The following ACER2 variants were observed in gnomAD, a reference collection of about 807,000 sequenced individuals.
ACER2 encodes the protein alkaline ceramidase 2, also known as alkCDase 2.
ACER2 carries 26 observed loss-of-function variants against 34.7 expected under a neutral mutation model. The observed-to-expected ratio is 0.75, with a 90% CI of 0.55 to 1.04. The LOEUF (loss-of-function observed/expected upper bound fraction) is 1.04. Among genes scored for constraint, ACER2 ranks in the 50% least tolerant of loss-of-function variants. The pLI is 0.00. For synonymous variants in ACER2, 138 were observed against 132.1 expected (o/e 1.04, Z -0.31); for missense variants, 352 against 340.8 (o/e 1.03, Z -0.26).
chr9:19,421,981 T>C (rs1830420167), intron 1 of ACER2, among the ~76,000 whole-genome samples: 1 of 152,108 alleles, frequency 6.6e-6, no homozygotes, highest in Non-Finnish European at 1.5e-5. Context: ...GGCTTTGGTA[T>C]GAACAAAATA....
At chr9:19,411,586 G>A (rs922499036) in intron 1 of ACER2, among the ~76,000 whole-genome samples, 13 of 152,126 alleles carry the variant, frequency 8.5e-5, no homozygotes, top group African/African-American at 3.1e-4. Context: ...CTTATCACAG[G>A]ACATTCCCAT....
At chr9:19,409,915 C>G (rs1830038313) in intron 1 of ACER2, 3 of 985,246 alleles carry the variant, frequency 3.0e-6, no homozygotes, top group Non-Finnish European at 2.4e-6. Flanking sequence ...TAAGGGTGAG[C>G]AGAAACTTCC....
At chr9:19,410,818 A>C (rs1402353470) in intron 1 of ACER2, among the ~76,000 whole-genome samples, 2 of 152,236 alleles carry the variant, frequency 1.3e-5, no homozygotes, top group Non-Finnish European at 2.9e-5. Context: ...TTGCACACAG[A>C]GGATGGGCTG....
At chr9:19,420,373 A>C (rs1359743226) in intron 1 of ACER2, among the ~76,000 whole-genome samples, 1 of 152,186 alleles carries the variant, frequency 6.6e-6, no homozygotes, top group Non-Finnish European at 1.5e-5. Flanking sequence ...ATGTAGACTT[A>C]GCTGTCATCT....
chr9:19,437,066 C>A (rs965193984), intron 4 of ACER2, among the ~76,000 whole-genome samples: 1 of 152,194 alleles, frequency 6.6e-6, no homozygotes, highest in African/African-American at 2.4e-5. Context: ...TGTATTCAAC[C>A]TTTTCTGTTC....
chr9:19,428,253 T>C, intron 3 of ACER2, among the ~76,000 whole-genome samples: 1 of 151,582 alleles, frequency 6.6e-6, no homozygotes, highest in East Asian at 2.0e-4. Context: ...CTGCAACCTC[T>C]GCCTCCCAGG....
intron 5 of ACER2, among the ~76,000 whole-genome samples, chr9:19,449,956 A>G (rs564625689): frequency 2.6e-5 from 4 of 152,260 alleles, no homozygotes; most frequent in South Asian, 4.1e-4. Context: ...AAAGTTTAAT[A>G]TAAATTTAAA....
chr9:19,444,403 G>A (rs1261334307), intron 4 of ACER2, among the ~76,000 whole-genome samples: 1 of 151,888 alleles, frequency 6.6e-6, no homozygotes, highest in Non-Finnish European at 1.5e-5. Flanking sequence ...TAGTAGAGAC[G>A]AGGTTTCACC....
chr9:19,422,122 CAAAAAA>C (rs57946946), intron 1 of ACER2, among the ~76,000 whole-genome samples: 1 of 131,594 alleles, frequency 7.6e-6, no homozygotes, highest in African/African-American at 2.8e-5. Context: ...CCATCTCTAC[CAAAAAA>C]AAAAAAAAAT....
In ACER2 at chr9:19,422,390, A is replaced by C. The variant is rs930150213; in HGVS notation, c.109-1472A>C. On this transcript the variant is annotated intron_variant, in intron 1 of 5. Transcript: ENST00000340967. ...ATATTTTGAATACATTGCATTAAAT[A>C]AGATAGATTATTAAAATTTTTAAAA... Among the ~76,000 whole-genome samples the C allele has an allele frequency of 2.0e-5, 3 of 152,192 alleles. No individual in the cohort carries two copies. In the East Asian group the frequency reaches 5.8e-4, roughly 29 times the overall value.
chr9:19,424,876 T>A, intron 3 of ACER2, 35 bp downstream of exon 3: 1 of 1,613,638 alleles, frequency 6.2e-7, no homozygotes, highest in South Asian at 1.1e-5. Flanking sequence ...CATTTACCAC[T>A]AGGTGCAGTA....
Position 19,432,748 on chromosome 9 carries a change from T to C in ACER2, c.366-2199T>C, listed in dbSNP as rs534624253. Among the ~76,000 whole-genome samples the C allele has an allele frequency of 3.4e-3, 506 of 148,124 alleles. 3 individuals carry two copies. Among genetic ancestry groups the C allele is most frequent in the African/African-American group, 0.012 (483 of 40,928 alleles). On this transcript the variant is annotated intron_variant, in intron 3 of 5. Transcript: ENST00000340967. ...TATTCTTTACACATATATATAAATA[T>C]ATTTAATTAAAAATATACATATATA...
intron 3 of ACER2, among the ~76,000 whole-genome samples, chr9:19,433,586 C>G (rs1283450251): frequency 1.3e-5 from 2 of 152,274 alleles, no homozygotes; most frequent in Non-Finnish European, 2.9e-5. Flanking sequence ...CATCCGATTT[C>G]TCAATCTTTT....
chr9:19,418,667 G>T (rs745526063), intron 1 of ACER2, among the ~76,000 whole-genome samples: 23 of 152,118 alleles, frequency 1.5e-4, no homozygotes, highest in Non-Finnish European at 2.6e-4. Flanking sequence ...ACACAGGGAG[G>T]GAAACATCAC....
At chr9:19,422,578 G>A (rs190069742) in intron 1 of ACER2, among the ~76,000 whole-genome samples, 2 of 152,232 alleles carry the variant, frequency 1.3e-5, no homozygotes, top group African/African-American at 2.4e-5. Flanking sequence ...GCAACGAAGG[G>A]GGAAACTAGA....
At chr9:19,449,062 G>A (rs902441488) in intron 5 of ACER2, among the ~76,000 whole-genome samples, 2 of 152,116 alleles carry the variant, frequency 1.3e-5, no homozygotes, top group African/African-American at 2.4e-5. Context: ...CCTGGGAGGC[G>A]GAGATTGAAG....
At position 19,449,590 on chromosome 9, in the gene ACER2, A is replaced by G. The variant is rs184542852; in HGVS notation, c.642-860A>G. The stretch of plus-strand genomic sequence containing the variant: ...CTCCCCAACATCAAAGTTTATAAAA[A>G]TATTGTCTTTGGGCTGGGCGCAGTG... On this transcript the variant is annotated intron_variant, in intron 5 of 5. Coordinates refer to ENST00000340967, the MANE Select transcript of ACER2 (RefSeq NM_001010887.3). Among the ~76,000 whole-genome samples, 588 of 152,282 alleles carry G rather than the reference A, an allele frequency of 3.9e-3. 4 individuals are homozygous for G. The highest frequency in any genetic ancestry group is 0.013 in the African/African-American group (555 of 41,568).
intron 1 of ACER2, among the ~76,000 whole-genome samples, chr9:19,420,231 G>A (rs1346350171): frequency 6.6e-6 from 1 of 152,174 alleles, no homozygotes; most frequent in South Asian, 2.1e-4. Context: ...ATGAGTAACC[G>A]CTCTTTTCTT....
At chr9:19,442,199 G>C (rs1453691743) in intron 4 of ACER2, among the ~76,000 whole-genome samples, 8 of 152,126 alleles carry the variant, frequency 5.3e-5, no homozygotes, top group Non-Finnish European at 1.5e-5. Flanking sequence ...TACTTTTTCT[G>C]ATTATAGGAG....
Sources: gnomAD v4.1 joint callset for allele counts (sites outside exome capture counted in the v4.1 genomes callset) on GRCh38, gnomAD v4.1.1 for gene constraint, MANE v1.5 for transcripts, NCBI Gene and HGNC (gene_info 2026-07-23, HGNC 2026-07-21) for gene names.